MAP3K15: variants seen among roughly 807,000 people sequenced by gnomAD.
MAP3K15 encodes the protein MAPK/ERK kinase kinase 15.
In MAP3K15, 124 loss-of-function variants were observed where a neutral mutation model predicts 99.5. The ratio of observed to expected loss-of-function variants is 1.25; its 90% CI spans 1.08 to 1.45. MAP3K15 has a LOEUF of 1.45. MAP3K15 is among the 40% of genes most tolerant of loss of function. The pLI is 0.00. For synonymous variants in MAP3K15, 494 were observed against 439.6 expected (o/e 1.12, Z -1.55); for missense variants, 1,242 against 1,079.7 (o/e 1.15, Z -2.11).
At chrX:19,476,214 TAGAA>T (rs1447601675) in intron 3 of MAP3K15, among the ~76,000 whole-genome samples, 1 of 112,049 alleles carries the variant, frequency 8.9e-6, no homozygotes, top group Non-Finnish European at 1.9e-5. Context: ...CTAAGGCAGA[TAGAA>T]AGCCACTTAA....
chrX:19,368,852 T>C (rs2063354307), intron 25 of MAP3K15, among the ~76,000 whole-genome samples: 1 of 110,290 alleles, frequency 9.1e-6, no homozygotes, highest in South Asian at 3.9e-4. Flanking sequence ...TTTTTTTTTT[T>C]TTTTTTTTAA....
chrX:19,407,005 T>C (rs1480157027), intron 13 of MAP3K15, among the ~76,000 whole-genome samples, 183 bp downstream of exon 13: 1 of 112,496 alleles, frequency 8.9e-6, no homozygotes, highest in Non-Finnish European at 1.9e-5. Flanking sequence ...CTGGCCAAGT[T>C]GTGTATTTTA....
chrX:19,504,362 T>TTGC (rs1325081973), intron 1 of MAP3K15, among the ~76,000 whole-genome samples: 8 of 110,769 alleles, frequency 7.2e-5, no homozygotes, highest in Admixed American at 6.8e-4. Context: ...AAAGTGATGC[T>TTGC]TGCTGCTGCT....
At chrX:19,416,807 T>G (rs2147284637) in intron 9 of MAP3K15, among the ~76,000 whole-genome samples, 1 of 112,253 alleles carries the variant, frequency 8.9e-6, no homozygotes, top group East Asian at 2.8e-4. Flanking sequence ...AGTAGGCTAT[T>G]CGTAGTTAAG....
intron 1 of MAP3K15, among the ~76,000 whole-genome samples, chrX:19,495,908 A>G (rs2064398066): frequency 9.0e-6 from 1 of 110,613 alleles, no homozygotes; most frequent in African/African-American, 3.3e-5. Context: ...GTGAGCTATG[A>G]TTGTGCCACT....
At chrX:19,366,641 C>T (rs149107378) in intron 25 of MAP3K15, among the ~76,000 whole-genome samples, 5 of 112,000 alleles carry the variant, frequency 4.5e-5, no homozygotes, top group South Asian at 3.7e-4. Context: ...CCATGTAAGA[C>T]GTGCCTTTTA....
chrX:19,509,607 A>G (rs2064504347), intron 1 of MAP3K15, among the ~76,000 whole-genome samples: 1 of 112,054 alleles, frequency 8.9e-6, no homozygotes, highest in African/African-American at 3.2e-5. Context: ...TTTAGAGGGA[A>G]ATGTATAGCA....
rs781582453 is a variant in MAP3K15, at chrX:19,360,681, C to T, written c.*68G>A. 1.3e-5 allele frequency: 11 copies of T among 838,727 alleles called. No individual in the cohort carries two copies. Among genetic ancestry groups the T allele is most frequent in the Non-Finnish European group, 1.8e-5 (10 of 565,806 alleles). The allele number at this position is 838,727 out of a possible 1,213,427, so 69.1% of individuals were successfully genotyped here. A position where few individuals can be genotyped will look rare whatever the true frequency, so the allele number is the denominator to read the frequency against. On this transcript the variant is annotated 3_prime_UTR_variant, in exon 29 of 29. Transcript: ENST00000338883. ...GTAAACACAGCGGAATTCGTGTATA[C>T]ACTAACAGAAGCTTTAACAAAACAT...
chrX:19,464,661 A>C (rs1184668877), intron 3 of MAP3K15, among the ~76,000 whole-genome samples: 1 of 111,788 alleles, frequency 8.9e-6, no homozygotes, highest in Non-Finnish European at 1.9e-5. Flanking sequence ...TCACTGGCAG[A>C]AATTTTAGGG....
intron 15 of MAP3K15, among the ~76,000 whole-genome samples, chrX:19,396,158 C>T (rs1485332756): frequency 3.6e-5 from 4 of 111,850 alleles, no homozygotes; most frequent in Admixed American, 9.5e-5. Flanking sequence ...CATTTGCCAC[C>T]GAACCAGCAG....
At chrX:19,470,815 AC>A (rs1794298694) in intron 3 of MAP3K15, among the ~76,000 whole-genome samples, 1 of 112,270 alleles carries the variant, frequency 8.9e-6, no homozygotes, top group Non-Finnish European at 1.9e-5. Context: ...CTTTGAAAGG[AC>A]CCAGATATTA....
intron 13 of MAP3K15, among the ~76,000 whole-genome samples, chrX:19,404,647 A>G (rs759105945): frequency 3.6e-5 from 4 of 112,317 alleles, no homozygotes; most frequent in Non-Finnish European, 7.5e-5. Flanking sequence ...TTGCATTAAG[A>G]ATAGACATAC....
chrX:19,465,236 T>C (rs778394767), intron 3 of MAP3K15, among the ~76,000 whole-genome samples: 1 of 111,384 alleles, frequency 9.0e-6, no homozygotes, highest in South Asian at 3.8e-4. Flanking sequence ...TCATCTTACT[T>C]TGTTATTTTC....
At chrX:19,502,400 A>G (rs2064446512) in intron 1 of MAP3K15, among the ~76,000 whole-genome samples, 1 of 111,282 alleles carries the variant, frequency 9.0e-6, no homozygotes. Context: ...TAAAAGTGGC[A>G]GTTTCCCCTG....
chrX:19,366,912 T>A (rs1441382481), intron 25 of MAP3K15, among the ~76,000 whole-genome samples: 1 of 111,874 alleles, frequency 8.9e-6, no homozygotes, highest in Non-Finnish European at 1.9e-5. Context: ...GAAATAACCT[T>A]CAAACCCATA....
Position 19,369,114 on chromosome X carries a change from G to C in MAP3K15, c.3506C>G (p.Ala1169Gly). 1 of 1,210,200 alleles carries C rather than the reference G, an allele frequency of 8.3e-7. No individual in the cohort carries two copies. Among genetic ancestry groups the C allele is most frequent in the Non-Finnish European group, 1.1e-6 (1 of 894,931 alleles). ...GCTCAGGTGCTGCTGGTGGGGCTGG[G>C]CCTCCTGGCCAGGTCCGGTGGCTGG... ...YPPATGPGQE[A>G]QPHQQHLSLQ... The change falls in exon 25 of 29, where the codon GCC (alanine) becomes GGC (glycine). Residue 1169 changes from alanine (A) to glycine (G), a missense_variant. Physicochemically the swap from Ala to Gly is moderately conservative, Grantham distance 60 (BLOSUM62 0). Coordinates refer to ENST00000338883, the MANE Select transcript of MAP3K15 (RefSeq NM_001001671.4).
chrX:19,378,926 C>G (rs753932917), intron 19 of MAP3K15, among the ~76,000 whole-genome samples: 179 of 111,311 alleles, frequency 1.6e-3, no homozygotes, highest in Non-Finnish European at 2.1e-3. Context: ...GATATATTTA[C>G]CTGATAGCCC....
At chrX:19,397,174 G>A (rs2063573296) in intron 15 of MAP3K15, among the ~76,000 whole-genome samples, 1 of 111,105 alleles carries the variant, frequency 9.0e-6, no homozygotes. Flanking sequence ...AAAGTGCTGG[G>A]ATTACAGGCT....
At chrX:19,465,414 T>A (rs2147364848) in intron 3 of MAP3K15, among the ~76,000 whole-genome samples, 1 of 110,477 alleles carries the variant, frequency 9.1e-6, no homozygotes, top group East Asian at 2.9e-4. Context: ...CTGGAGACCA[T>A]CCTTGTGGGT....
Sources: allele counts gnomAD v4.1 joint callset (sites outside exome capture counted in the v4.1 genomes callset), GRCh38; gene constraint gnomAD v4.1.1; transcripts MANE v1.5; gene names NCBI Gene and HGNC (gene_info 2026-07-23, HGNC 2026-07-21).